The following KIAA0825 variants were observed in gnomAD, a reference collection of about 807,000 sequenced individuals.
KIAA0825 encodes the protein uncharacterized protein KIAA0825.
A neutral mutation model predicts 147.6 loss-of-function variants in KIAA0825; 119 were observed. The observed-to-expected ratio is 0.81, with a 90% confidence interval of 0.69 to 0.94. The LOEUF (loss-of-function observed/expected upper bound fraction) is 0.94, where lower values mean the gene tolerates loss of function less well. KIAA0825 is among the 40% of genes least tolerant of loss of function. The pLI is 0.00. For missense variants in KIAA0825, 1,381 were observed against 1,472.7 expected (o/e 0.94, Z 1.02); for synonymous variants, 470 against 518.1 (o/e 0.91, Z 1.26).
At chr5:94,322,653 C>T (rs1460414415) in intron 20 of KIAA0825, among the ~76,000 whole-genome samples, 1 of 151,750 alleles carries the variant, frequency 6.6e-6, no homozygotes, top group African/African-American at 2.4e-5. Context: ...AATGAGGTAG[C>T]TGGGCCTGGA....
rs1194251034 is a variant in KIAA0825, at chr5:94,460,474, C to G, written c.2246+1913G>C. The stretch of plus-strand genomic sequence containing the variant: ...ACGTTCAGTTTATCCGTCAGAACTA[C>G]TTGAAATAAAGGCAGTCACCTTCTA... On this transcript the variant is annotated intron_variant, in intron 12 of 20. Coordinates refer to ENST00000682413, the MANE Select transcript of KIAA0825 (RefSeq NM_001145678.3). 5.9e-5 allele frequency among the ~76,000 whole-genome samples: 9 copies of G among 152,088 alleles called. No individual in the cohort carries two copies. The South Asian group carries it at 8.3e-4, about 14-fold the overall frequency.
intron 20 of KIAA0825, among the ~76,000 whole-genome samples, chr5:94,246,361 A>G (rs1775611895): frequency 6.6e-6 from 1 of 152,046 alleles, no homozygotes; most frequent in Non-Finnish European, 1.5e-5. Flanking sequence ...TTTGTCTGAG[A>G]GTATTAGTAC....
intron 20 of KIAA0825, among the ~76,000 whole-genome samples, chr5:94,366,420 T>G (rs1745866177): frequency 6.6e-6 from 1 of 152,134 alleles, no homozygotes; most frequent in African/African-American, 2.4e-5. Context: ...TCCTCTCATT[T>G]CTGCTTCTTC....
intron 2 of KIAA0825, chr5:94,570,271 A>G (rs188878878): frequency 2.1e-4 from 32 of 153,032 alleles, no homozygotes; most frequent in African/African-American, 6.7e-4. Flanking sequence ...CACTAGTACT[A>G]TTCTCACCAG....
chr5:94,246,479 G>A (rs1775621120), intron 20 of KIAA0825, among the ~76,000 whole-genome samples: 2 of 152,226 alleles, frequency 1.3e-5, no homozygotes, highest in South Asian at 4.1e-4. Context: ...GGGAGAGTGG[G>A]TGGGTCAGGT....
At chr5:94,420,481 A>G (rs1339579096) in intron 14 of KIAA0825, among the ~76,000 whole-genome samples, 2 of 152,304 alleles carry the variant, frequency 1.3e-5, no homozygotes, top group South Asian at 2.1e-4. Flanking sequence ...CAAACTATGT[A>G]TATGGTATGT....
At chr5:94,349,153 TCAAA>T (rs1783353268) in intron 20 of KIAA0825, among the ~76,000 whole-genome samples, 1 of 152,044 alleles carries the variant, frequency 6.6e-6, no homozygotes. Context: ...TATTCTTATA[TCAAA>T]CAAAACAAAC....
chr5:94,232,966 T>C (rs1774822354), intron 20 of KIAA0825, among the ~76,000 whole-genome samples: 1 of 152,120 alleles, frequency 6.6e-6, no homozygotes, highest in Admixed American at 6.5e-5. Context: ...TAAAAAATAT[T>C]AACAGGGAGT....
At chr5:94,594,821 CAT>C (rs551167916) in intron 1 of KIAA0825, 112 of 445,590 alleles carry the variant, frequency 2.5e-4, no homozygotes, top group African/African-American at 2.2e-3. Flanking sequence ...TGAGTGTTAT[CAT>C]GTGTCACATT....
At chr5:94,576,550 C>T (rs1781087237) in intron 2 of KIAA0825, among the ~76,000 whole-genome samples, 1 of 152,040 alleles carries the variant, frequency 6.6e-6, no homozygotes, top group East Asian at 1.9e-4. Context: ...GTACAGAGTC[C>T]CCACAAACAA....
chr5:94,424,668 C>T (rs1754617159), intron 14 of KIAA0825, among the ~76,000 whole-genome samples: 1 of 151,504 alleles, frequency 6.6e-6, no homozygotes, highest in Non-Finnish European at 1.5e-5. Context: ...ATCATAAAGA[C>T]CAGAGGAGAA....
At chr5:94,568,921 C>T (rs62365666) in intron 2 of KIAA0825, 1 of 164,092 alleles carries the variant, frequency 6.1e-6, no homozygotes, top group African/African-American at 2.4e-5. Flanking sequence ...CTCCTCCTAA[C>T]CCTCCTCCTA....
intron 20 of KIAA0825, among the ~76,000 whole-genome samples, chr5:94,290,429 A>C (rs952762161): frequency 2.0e-5 from 3 of 152,084 alleles, no homozygotes; most frequent in African/African-American, 7.2e-5. Context: ...ATGATGGTTT[A>C]CAGCTTCATC....
chr5:94,438,952 G>A (rs1473415290), intron 14 of KIAA0825, among the ~76,000 whole-genome samples: 2 of 152,152 alleles, frequency 1.3e-5, no homozygotes, highest in Non-Finnish European at 2.9e-5. Flanking sequence ...AGAGATTAGC[G>A]TTAAGACAGA....
intron 20 of KIAA0825, among the ~76,000 whole-genome samples, chr5:94,335,025 T>C (rs1359114237): frequency 6.6e-6 from 1 of 152,238 alleles, no homozygotes; most frequent in Non-Finnish European, 1.5e-5. Context: ...CCAGGATTTG[T>C]TCTGTTCATT....
intron 20 of KIAA0825, among the ~76,000 whole-genome samples, chr5:94,257,740 A>T (rs1473955107): frequency 1.3e-5 from 2 of 152,076 alleles, no homozygotes; most frequent in Non-Finnish European, 2.9e-5. Context: ...AGGAAATCTA[A>T]AAGGACGTGA....
At chr5:94,538,317 T>C (rs1045489442) in intron 2 of KIAA0825, among the ~76,000 whole-genome samples, 4 of 152,154 alleles carry the variant, frequency 2.6e-5, no homozygotes, top group Non-Finnish European at 1.5e-5. Context: ...GGAGGTGACA[T>C]TTGAGAAGAA....
intron 20 of KIAA0825, among the ~76,000 whole-genome samples, chr5:94,238,929 C>T (rs563334039): frequency 1.3e-5 from 2 of 152,288 alleles, no homozygotes; most frequent in South Asian, 2.1e-4. Flanking sequence ...AACTGTGGCA[C>T]ATTTGTGCCA....
intron 20 of KIAA0825, among the ~76,000 whole-genome samples, chr5:94,236,456 G>T (rs1775042557): frequency 6.6e-6 from 1 of 152,152 alleles, no homozygotes; most frequent in Non-Finnish European, 1.5e-5. Context: ...CACAGAAAGT[G>T]GTTTCTTGAT....
Sources: allele counts gnomAD v4.1 joint callset (sites outside exome capture counted in the v4.1 genomes callset), GRCh38; gene constraint gnomAD v4.1.1; transcripts MANE v1.5; gene names NCBI Gene and HGNC (gene_info 2026-07-23, HGNC 2026-07-21).